INPP4B: variants seen among roughly 807,000 people sequenced by gnomAD.
INPP4B encodes the protein inositol polyphosphate 4-phosphatase type II.
In INPP4B, 55 loss-of-function variants were observed where a neutral mutation model predicts 122.5. That is an observed-to-expected ratio of 0.45 (90% CI 0.36 to 0.56). The LOEUF (loss-of-function observed/expected upper bound fraction) is 0.56. Ranked by LOEUF, INPP4B falls within the 20% of genes least tolerant of loss-of-function variation. INPP4B has a pLI of 0.00. For missense variants in INPP4B, 1,000 were observed against 1,097.7 expected, an observed-to-expected ratio of 0.91 and a Z score of 1.26; for synonymous variants, 403 against 388.7, an observed-to-expected ratio of 1.04 and a Z score of -0.43.
At position 142,666,656 on chromosome 4, in the gene INPP4B, CAT is replaced by C. The variant is rs1005836207; in HGVS notation, c.-191+59181_-191+59182del. Among the ~76,000 whole-genome samples, 67 of 151,750 alleles carry C rather than the reference CAT, an allele frequency of 4.4e-4. 1 individual carries two copies. The highest frequency in any genetic ancestry group is 3.4e-3 in the Middle Eastern group (1 of 294). On this transcript the variant is annotated intron_variant, in intron 2 of 25. Coordinates refer to ENST00000262992, the MANE Select transcript of INPP4B (RefSeq NM_001101669.3). ...GGCCTTCTCTGTGTGTGTGTGTGCA[CAT>C]GTGTGTGTGTGTGTGTACTTTTCTT...
intron 2 of INPP4B, among the ~76,000 whole-genome samples, chr4:142,522,193 A>T (rs934860147): frequency 6.6e-6 from 1 of 151,924 alleles, no homozygotes; most frequent in African/African-American, 2.4e-5. Flanking sequence ...ATGTTTATCA[A>T]TTTTTAAAGT....
At chr4:142,236,254 A>G (rs1856667292) in intron 12 of INPP4B, among the ~76,000 whole-genome samples, 1 of 152,210 alleles carries the variant, frequency 6.6e-6, no homozygotes, top group Non-Finnish European at 1.5e-5. Flanking sequence ...GAACGCAACC[A>G]TGTTGAGCAT....
At chr4:142,614,595 G>A (rs1048178011) in intron 2 of INPP4B, among the ~76,000 whole-genome samples, 1 of 152,046 alleles carries the variant, frequency 6.6e-6, no homozygotes, top group Non-Finnish European at 1.5e-5. Context: ...ATAATCAACA[G>A]AGTAAACAGG....
intron 7 of INPP4B, among the ~76,000 whole-genome samples, chr4:142,348,513 G>A (rs1188635629): frequency 6.6e-6 from 1 of 151,978 alleles, no homozygotes; most frequent in Non-Finnish European, 1.5e-5. Context: ...AGATGGTGAA[G>A]AGACACTAAA....
chr4:142,133,812 T>G (rs1802545229), intron 18 of INPP4B, among the ~76,000 whole-genome samples: 1 of 152,214 alleles, frequency 6.6e-6, no homozygotes. Flanking sequence ...TTTCCCTAGA[T>G]AGTCACATGG....
chr4:142,743,211 G>A (rs927822322), intron 1 of INPP4B, among the ~76,000 whole-genome samples: 4 of 151,908 alleles, frequency 2.6e-5, no homozygotes, highest in African/African-American at 9.7e-5. Context: ...TGAGTAACAG[G>A]AAAGCTCCAT....
At chr4:142,263,664 A>ATATATATATATATT (rs1185575906) in intron 10 of INPP4B, among the ~76,000 whole-genome samples, 1 of 95,738 alleles carries the variant, frequency 1.0e-5, no homozygotes, top group Non-Finnish European at 2.0e-5. Context: ...ATATATATAT[A>ATATATATATATATT]TATATATATA....
At chr4:142,599,529 G>T (rs888581046) in intron 2 of INPP4B, among the ~76,000 whole-genome samples, 1 of 152,054 alleles carries the variant, frequency 6.6e-6, no homozygotes, top group Non-Finnish European at 1.5e-5. Context: ...TCAGGAAAAA[G>T]TCTTCCTCTA....
intron 2 of INPP4B, among the ~76,000 whole-genome samples, chr4:142,607,970 C>T (rs1741639847): frequency 6.6e-6 from 1 of 152,144 alleles, no homozygotes; most frequent in African/African-American, 2.4e-5. Flanking sequence ...GAAACCTTCC[C>T]AGGACATCTG....
Position 142,263,639 on chromosome 4 carries a change from AATATATATATATATATATATATAT to A in INPP4B, c.616-3099_616-3076del, listed in dbSNP as rs36227189. On this transcript the variant is annotated intron_variant, in intron 10 of 25. Transcript: ENST00000262992. Reference sequence around the variant, plus strand: ...GACCACAAATGAGATAAATTCGTAAAATATATATATATATATATATATATATATATATATATATATAACATTGAA... The same window carrying A: ...GACCACAAATGAGATAAATTCGTAAAATATATATATATATATAACATTGAA... Among the ~76,000 whole-genome samples, 90 of 41,836 alleles carry A rather than the reference AATATATATATATATATATATATAT, an allele frequency of 2.2e-3. 1 individual carries two copies. The highest frequency in any genetic ancestry group is 8.5e-3 in the Admixed American group (36 of 4,250). The allele number at this position is 41,836 out of a possible 152,430, so 27.4% of individuals were successfully genotyped here.
At chr4:142,443,258 A>G (rs1165555251) in intron 3 of INPP4B, among the ~76,000 whole-genome samples, 1 of 152,080 alleles carries the variant, frequency 6.6e-6, no homozygotes, top group Non-Finnish European at 1.5e-5. Flanking sequence ...TTCTTTATGG[A>G]CCTCACCCAA....
At chr4:142,124,289 T>C (rs1464638797) in intron 19 of INPP4B, among the ~76,000 whole-genome samples, 1 of 152,072 alleles carries the variant, frequency 6.6e-6, no homozygotes, top group African/African-American at 2.4e-5. Flanking sequence ...CTTATGTAGA[T>C]CCCAGAGCAT....
At chr4:142,030,505 C>T (rs193262785) in intron 25 of INPP4B, among the ~76,000 whole-genome samples, 5 of 152,226 alleles carry the variant, frequency 3.3e-5, no homozygotes, top group Admixed American at 2.0e-4. Context: ...GGAATTAAAA[C>T]AGGAGATTCC....
At chr4:142,667,761 A>G (rs1756363503) in intron 2 of INPP4B, among the ~76,000 whole-genome samples, 1 of 152,210 alleles carries the variant, frequency 6.6e-6, no homozygotes, top group South Asian at 2.1e-4. Flanking sequence ...TCTGTTCAAG[A>G]AGGAGGCCTC....
chr4:142,499,840 G>A (rs1016194122), intron 2 of INPP4B, among the ~76,000 whole-genome samples: 1 of 152,094 alleles, frequency 6.6e-6, no homozygotes, highest in Non-Finnish European at 1.5e-5. Flanking sequence ...TCTACAAAGA[G>A]TAATCTATAA....
At chr4:142,679,637 A>T (rs1198137621) in intron 2 of INPP4B, among the ~76,000 whole-genome samples, 1 of 151,810 alleles carries the variant, frequency 6.6e-6, no homozygotes, top group Non-Finnish European at 1.5e-5. Flanking sequence ...ATTTAACCAT[A>T]GGCAGTCTGT....
chr4:142,228,290 AT>A lies in INPP4B; in HGVS notation c.836+9573del, dbSNP rs953312748. Among the ~76,000 whole-genome samples, 6 of 152,106 alleles carry A rather than the reference AT, an allele frequency of 3.9e-5. No individual in the cohort carries two copies. The East Asian group carries it at 7.7e-4, about 20-fold the overall frequency. On this transcript the variant is annotated intron_variant, in intron 12 of 25. Coordinates refer to ENST00000262992, the MANE Select transcript of INPP4B (RefSeq NM_001101669.3). Reference sequence around the variant, plus strand: ...ATGTGGAATTGATAAATCCATAAGAATTTTTTTAAAAGATCAATACAAATCA... The same window carrying A: ...ATGTGGAATTGATAAATCCATAAGAATTTTTTAAAAGATCAATACAAATCA...
chr4:142,501,371 A>G (rs958612524), intron 2 of INPP4B, among the ~76,000 whole-genome samples: 1 of 152,222 alleles, frequency 6.6e-6, no homozygotes, highest in Non-Finnish European at 1.5e-5. Context: ...TGCCCAGAGA[A>G]GTAGTATTTC....
At chr4:142,609,985 T>C (rs1358932525) in intron 2 of INPP4B, among the ~76,000 whole-genome samples, 1 of 152,318 alleles carries the variant, frequency 6.6e-6, no homozygotes, top group East Asian at 1.9e-4. Context: ...ATCTGGCTAC[T>C]GAGCACTTGA....
Sources: gnomAD v4.1 joint callset for allele counts (sites outside exome capture counted in the v4.1 genomes callset) on GRCh38, gnomAD v4.1.1 for gene constraint, MANE v1.5 for transcripts, NCBI Gene and HGNC (gene_info 2026-07-23, HGNC 2026-07-21) for gene names.